The following OR3A2 variants were observed in gnomAD, a reference collection of about 807,000 sequenced individuals.
OR3A2 encodes olfactory receptor 3A2.
For missense variants in OR3A2, 318 were observed against 392.8 expected (o/e 0.81, Z 1.61); for synonymous variants, 126 against 159.3 (o/e 0.79, Z 1.57).
intron 2 of OR3A2, among the ~76,000 whole-genome samples, chr17:3,342,956 G>T (rs947152788): frequency 6.6e-6 from 1 of 152,214 alleles, no homozygotes; most frequent in African/African-American, 2.4e-5. Flanking sequence ...TCTAGCCTCA[G>T]CAATGGTGGA....
chr17:3,346,437 G>A (rs772067092), intron 2 of OR3A2, among the ~76,000 whole-genome samples: 2 of 152,090 alleles, frequency 1.3e-5, no homozygotes, highest in Non-Finnish European at 2.9e-5. Flanking sequence ...TGTTTTCCAA[G>A]AGCCTGTAAT....
At chr17:3,351,673 A>G (rs230462) in intron 2 of OR3A2, among the ~76,000 whole-genome samples, 55,373 of 142,096 alleles carry the variant, frequency 0.39, 10,678 homozygotes, top group Admixed American at 0.5. Flanking sequence ...ACAGAATTGG[A>G]AAAAACTACT....
chr17:3,350,802 G>A (rs1269829632), intron 2 of OR3A2, among the ~76,000 whole-genome samples: 13 of 148,576 alleles, frequency 8.7e-5, no homozygotes, highest in African/African-American at 2.2e-4. Flanking sequence ...CTGGCAAACC[G>A]AATCCAGCAG....
In OR3A2 at chr17:3,314,755, A is replaced by G. The variant is rs549921797; in HGVS notation, c.-85+21278T>C. Among the ~76,000 whole-genome samples, 56 of 152,316 alleles carry G rather than the reference A, an allele frequency of 3.7e-4. 2 individuals are homozygous for G. The South Asian group carries it at 0.012, about 32-fold the overall frequency. ...ATGTGCAGATTTGTTACTTGGTAAT[A>G]CTGCATGATGCTGAGATTTGGAGTC... On this transcript the variant is annotated intron_variant, in intron 3 of 4. Coordinates refer to the OR3A2 transcript ENST00000573491.
At chr17:3,300,864 C>G (rs1187628846) in intron 3 of OR3A2, among the ~76,000 whole-genome samples, 1 of 147,200 alleles carries the variant, frequency 6.8e-6, no homozygotes, top group African/African-American at 2.5e-5. Context: ...ACGACAGGCC[C>G]TGGTGTGTGA....
At chr17:3,297,006 G>GC (rs2048924090) in intron 3 of OR3A2, among the ~76,000 whole-genome samples, 1 of 152,152 alleles carries the variant, frequency 6.6e-6, no homozygotes, top group African/African-American at 2.4e-5. Context: ...GCCAGTAGCT[G>GC]CCCCCTCTGG....
intron 3 of OR3A2, chr17:3,292,661 AC>A (rs2048886962): frequency 3.1e-6 from 4 of 1,277,048 alleles, no homozygotes; most frequent in Non-Finnish European, 2.1e-6. Context: ...AAAGAAACAG[AC>A]CCCCTTCTAC....
At chr17:3,321,088 C>A (rs2049118207) in intron 3 of OR3A2, among the ~76,000 whole-genome samples, 1 of 152,030 alleles carries the variant, frequency 6.6e-6, no homozygotes, top group African/African-American at 2.4e-5. Context: ...TTGAAGAGGT[C>A]CTTCACATCC....
At chr17:3,290,246 T>C (rs962548366) in intron 3 of OR3A2, among the ~76,000 whole-genome samples, 1 of 152,238 alleles carries the variant, frequency 6.6e-6, no homozygotes, top group Non-Finnish European at 1.5e-5. Flanking sequence ...ATCTCTCATG[T>C]GTGACCCACT....
intron 3 of OR3A2, among the ~76,000 whole-genome samples, chr17:3,308,390 G>A (rs1394835123): frequency 6.6e-6 from 1 of 152,078 alleles, no homozygotes; most frequent in African/African-American, 2.4e-5. Context: ...CTTTGGCCGG[G>A]TGAGTCTCAT....
At chr17:3,374,399 C>CTAAAA (rs2049661497) in intron 2 of OR3A2, among the ~76,000 whole-genome samples, 1 of 152,140 alleles carries the variant, frequency 6.6e-6, no homozygotes, top group South Asian at 2.1e-4. Flanking sequence ...GTTTTCCAAA[C>CTAAAA]TTTTAGATTT....
chr17:3,301,049 T>C (rs1249937934), intron 3 of OR3A2, among the ~76,000 whole-genome samples: 3 of 152,148 alleles, frequency 2.0e-5, no homozygotes, highest in Non-Finnish European at 4.4e-5. Context: ...GCATAGTATT[T>C]CATGGTGTAT....
At chr17:3,372,385 G>T (rs928203593) in intron 2 of OR3A2, among the ~76,000 whole-genome samples, 1 of 148,974 alleles carries the variant, frequency 6.7e-6, no homozygotes, top group Non-Finnish European at 1.5e-5. Flanking sequence ...GACGATGGGC[G>T]GCCAGACAGA....
At chr17:3,292,724 C>T (rs944355589) in intron 3 of OR3A2, 4 of 653,958 alleles carry the variant, frequency 6.1e-6, no homozygotes, top group African/African-American at 5.5e-5. Flanking sequence ...ATTTTGCGCT[C>T]CTTAGGCCAC....
At chr17:3,286,946 T>A (rs2048818461), upstream of OR3A2, among the ~76,000 whole-genome samples, 1 of 152,214 alleles carries the variant, frequency 6.6e-6, no homozygotes, top group African/African-American at 2.4e-5. Context: ...GTTTCGGCTT[T>A]TGTTGCCATT....
chr17:3,292,548 A>G, intron 3 of OR3A2: 1 of 1,613,022 alleles, frequency 6.2e-7, no homozygotes, highest in Non-Finnish European at 8.5e-7. Flanking sequence ...GAACTCAGCA[A>G]TGACTGTTCC....
chr17:3,347,070 G>T (rs80310085), intron 2 of OR3A2, among the ~76,000 whole-genome samples: 1 of 152,034 alleles, frequency 6.6e-6, no homozygotes, highest in Non-Finnish European at 1.5e-5. Flanking sequence ...CGAGACTGCT[G>T]GATCATAGGA....
At chr17:3,331,718 C>G (rs7214963) in intron 3 of OR3A2, among the ~76,000 whole-genome samples, 21,633 of 150,086 alleles carry the variant, frequency 0.14, 2,038 homozygotes, top group African/African-American at 0.27. Flanking sequence ...CTCAGCTCGT[C>G]AAAGTCATTC....
At chr17:3,348,774 C>T (rs1195171649) in intron 2 of OR3A2, among the ~76,000 whole-genome samples, 1 of 152,026 alleles carries the variant, frequency 6.6e-6, no homozygotes, top group African/African-American at 2.4e-5. Flanking sequence ...TTAAGGGCAG[C>T]CAGAGAGAAA....
Sources: gnomAD v4.1 joint callset for allele counts (sites outside exome capture counted in the v4.1 genomes callset) on GRCh38, gnomAD v4.1.1 for gene constraint, MANE v1.5 for transcripts, NCBI Gene and HGNC (gene_info 2026-07-23, HGNC 2026-07-21) for gene names.